The following GPC5 variants were observed in gnomAD, a reference collection of about 807,000 sequenced individuals.
GPC5 encodes glypican-5.
In GPC5, 47 loss-of-function variants were observed where a neutral mutation model predicts 53.9. The ratio of observed to expected loss-of-function variants is 0.87; its 90% confidence interval spans 0.69 to 1.11. GPC5 has a LOEUF of 1.11. Ranked by LOEUF, GPC5 falls within the 50% of genes most tolerant of loss-of-function variation. The pLI, the probability that GPC5 is intolerant of heterozygous loss-of-function variation, is 0.00. For synonymous variants in GPC5, 286 were observed against 263.3 expected (o/e 1.09, Z -0.84); for missense variants, 748 against 713.1 (o/e 1.05, Z -0.56).
chr13:91,638,779 C>A (rs2034347451), intron 2 of GPC5, among the ~76,000 whole-genome samples: 1 of 152,116 alleles, frequency 6.6e-6, no homozygotes, highest in East Asian at 1.9e-4. Context: ...AAATAATATA[C>A]CCCAAATGAG....
At chr13:91,579,004 C>T (rs1463269244) in intron 2 of GPC5, among the ~76,000 whole-genome samples, 3 of 152,128 alleles carry the variant, frequency 2.0e-5, no homozygotes, top group Non-Finnish European at 4.4e-5. Context: ...CGAGATCACA[C>T]CAGTGCACTC....
intron 5 of GPC5, among the ~76,000 whole-genome samples, chr13:91,907,199 C>T (rs1046069976): frequency 2.0e-5 from 3 of 148,970 alleles, no homozygotes; most frequent in Non-Finnish European, 4.5e-5. Flanking sequence ...ACTGCCAAAT[C>T]CCTAATGGAT....
chr13:91,452,225 C>T (rs957763980), intron 2 of GPC5, among the ~76,000 whole-genome samples: 4 of 152,032 alleles, frequency 2.6e-5, no homozygotes, highest in Non-Finnish European at 5.9e-5. Context: ...CTCAACTCAT[C>T]CACCTACTTT....
intron 7 of GPC5, among the ~76,000 whole-genome samples, chr13:92,735,561 T>C (rs1330476553): frequency 1.3e-5 from 2 of 152,014 alleles, no homozygotes; most frequent in African/African-American, 4.8e-5. Context: ...GAAATGCTTT[T>C]AAACTACAAA....
chr13:92,389,763 C>T (rs1239725475), intron 7 of GPC5, among the ~76,000 whole-genome samples: 2 of 152,080 alleles, frequency 1.3e-5, no homozygotes, highest in Admixed American at 6.6e-5. Context: ...GTCAGTGAGG[C>T]CATCAATGTA....
intron 7 of GPC5, among the ~76,000 whole-genome samples, chr13:92,513,640 T>G (rs1265285981): frequency 6.6e-6 from 1 of 152,080 alleles, no homozygotes; most frequent in Non-Finnish European, 1.5e-5. Flanking sequence ...ACAGGTTGAG[T>G]ATCTCTTATT....
intron 5 of GPC5, among the ~76,000 whole-genome samples, chr13:91,818,279 A>C (rs955975010): frequency 6.6e-6 from 1 of 152,194 alleles, no homozygotes; most frequent in African/African-American, 2.4e-5. Flanking sequence ...CTTGTATATC[A>C]CAACTGCTAG....
chr13:92,611,377 C>T (rs1199601944), intron 7 of GPC5, among the ~76,000 whole-genome samples: 2 of 152,194 alleles, frequency 1.3e-5, no homozygotes, highest in Non-Finnish European at 1.5e-5. Context: ...TTCCCTTTGT[C>T]TGAAAATGAC....
chr13:92,122,740 CTTTT>C (rs3058805), intron 6 of GPC5, among the ~76,000 whole-genome samples: 1,110 of 67,132 alleles, frequency 0.017, 17 homozygotes, highest in African/African-American at 0.053. Flanking sequence ...ATAGGTCAGT[CTTTT>C]TTTTTTTTTT....
At chr13:92,498,744 A>G (rs1463775592) in intron 7 of GPC5, among the ~76,000 whole-genome samples, 2 of 152,128 alleles carry the variant, frequency 1.3e-5, no homozygotes, top group East Asian at 3.9e-4. Context: ...TCTTTCATCT[A>G]TATGGGTTAC....
intron 7 of GPC5, among the ~76,000 whole-genome samples, chr13:92,817,401 T>C (rs1454353768): frequency 6.6e-6 from 1 of 152,080 alleles, no homozygotes; most frequent in Non-Finnish European, 1.5e-5. Context: ...ATTTTTTAAG[T>C]CCTTCACCAA....
At chr13:92,741,070 T>C (rs1259608747) in intron 7 of GPC5, among the ~76,000 whole-genome samples, 1 of 150,622 alleles carries the variant, frequency 6.6e-6, no homozygotes, top group East Asian at 2.0e-4. Context: ...AGTAAAATGT[T>C]GGTGCATGCT....
intron 2 of GPC5, among the ~76,000 whole-genome samples, chr13:91,454,657 T>C (rs1043692632): frequency 1.3e-5 from 2 of 152,130 alleles, no homozygotes; most frequent in Non-Finnish European, 2.9e-5. Context: ...AAATGAATGA[T>C]ACTTAGCAAG....
intron 7 of GPC5, among the ~76,000 whole-genome samples, chr13:92,270,612 C>T (rs977814656): frequency 3.3e-5 from 5 of 152,280 alleles, no homozygotes; most frequent in Admixed American, 1.3e-4. Context: ...CAGAGTAATA[C>T]ATATATCTAG....
chr13:92,108,117 A>G (rs1027580300), intron 6 of GPC5, among the ~76,000 whole-genome samples: 62 of 152,076 alleles, frequency 4.1e-4, no homozygotes, highest in Admixed American at 4.1e-3. Flanking sequence ...TTCCTTTGTC[A>G]TAGCTGTTAC....
At chr13:92,292,771 T>C (rs1256228572) in intron 7 of GPC5, among the ~76,000 whole-genome samples, 1 of 152,202 alleles carries the variant, frequency 6.6e-6, no homozygotes, top group Non-Finnish European at 1.5e-5. Flanking sequence ...TTTTCCAATG[T>C]TATATTCTAG....
At chr13:91,775,866 GC>G (rs1180912794) in intron 5 of GPC5, among the ~76,000 whole-genome samples, 1 of 152,170 alleles carries the variant, frequency 6.6e-6, no homozygotes, top group Non-Finnish European at 1.5e-5. Context: ...GAAACTGAGA[GC>G]TTAGGTGGCT....
intron 5 of GPC5, among the ~76,000 whole-genome samples, chr13:91,890,561 G>A (rs1414603132): frequency 1.3e-5 from 2 of 151,928 alleles, no homozygotes; most frequent in Non-Finnish European, 2.9e-5. Context: ...GTAGTGAGTG[G>A]CACTCAGGCT....
chr13:91,474,087 A>G (rs1434002965), intron 2 of GPC5, among the ~76,000 whole-genome samples: 3 of 152,192 alleles, frequency 2.0e-5, no homozygotes, highest in African/African-American at 7.2e-5. Flanking sequence ...TTGCTTATGT[A>G]GTATTGCTTT....
Sources: allele counts gnomAD v4.1 joint callset (sites outside exome capture counted in the v4.1 genomes callset), GRCh38; gene constraint gnomAD v4.1.1; transcripts MANE v1.5; gene names NCBI Gene and HGNC (gene_info 2026-07-23, HGNC 2026-07-21).